The following ATM variants were observed in gnomAD, a reference collection of about 807,000 sequenced individuals.
The protein encoded by ATM is serine-protein kinase ATM.
In ATM, 308 loss-of-function variants were observed where a neutral mutation model predicts 387.0. The ratio of observed to expected loss-of-function variants is 0.80; its 90% CI spans 0.73 to 0.87. The LOEUF is 0.87. Among genes scored for constraint, ATM ranks in the 40% least tolerant of loss-of-function variants. The pLI, the probability that ATM is intolerant of heterozygous loss-of-function variation, is 0.00. For synonymous variants in ATM, 1,156 were observed against 1,187.3 expected, an observed-to-expected ratio of 0.97 and a Z score of 0.54; for missense variants, 3,312 against 3,560.9, an observed-to-expected ratio of 0.93 and a Z score of 1.78.
chr11:108,270,399 GTAA>G (rs2081508152), intron 18 of ATM, among the ~76,000 whole-genome samples: 1 of 152,150 alleles, frequency 6.6e-6, no homozygotes, highest in Non-Finnish European at 1.5e-5. Flanking sequence ...TGCAACAGTG[GTAA>G]TAATGATCAT....
At chr11:108,328,286 G>A (rs561011594) in intron 48 of ATM, among the ~76,000 whole-genome samples, 3 of 152,064 alleles carry the variant, frequency 2.0e-5, no homozygotes, top group Admixed American at 6.6e-5. Context: ...TCTCTCTGTC[G>A]CCCAAGCTGG....
chr11:108,359,956 C>A (rs1169891219), intron 61 of ATM, among the ~76,000 whole-genome samples: 2 of 151,788 alleles, frequency 1.3e-5, no homozygotes, highest in Non-Finnish European at 2.9e-5. Flanking sequence ...CAGAGCAGAA[C>A]TGAAGGAAAT....
Position 108,366,846 on chromosome 11 carries a change from C to A in ATM, c.*1338C>A, listed in dbSNP as rs2091358882. On this transcript the variant is annotated 3_prime_UTR_variant, in exon 63 of 63. Coordinates refer to ENST00000675843, the MANE Select transcript of ATM (RefSeq NM_000051.4). ...GGGGTGGAAGGAGGTACATTTAATT[C>A]CCACTGCCTGCCTTTGGCAAGCCCT... is the stretch of plus-strand genomic sequence containing the variant. The A allele has an allele frequency of 1.3e-5, 3 of 229,730 alleles. No individual in the cohort carries two copies. The highest frequency in any genetic ancestry group is 2.6e-5 in the Non-Finnish European group (3 of 115,976). The allele number at this position is 229,730 out of a possible 1,614,324, so 14.2% of individuals were successfully genotyped here. A position where few individuals can be genotyped will look rare whatever the true frequency, so the allele number is the denominator to read the frequency against.
rs747764678 is a variant in ATM at position 108,345,774 on chromosome 11, A to G, written c.8450A>G (p.Tyr2817Cys). 7.4e-6 allele frequency: 12 copies of G among 1,613,186 alleles called. No homozygotes were observed. In the East Asian group the frequency reaches 1.6e-4, roughly 21 times the overall value. Residue 2817 changes from tyrosine to cysteine, a missense_variant, in exon 58 of 63, where the codon TAT (tyrosine) becomes TGT (cysteine). Physicochemically the swap from Tyr to Cys is radical, Grantham distance 194 (BLOSUM62 -2). Transcript: ENST00000675843. Reference protein sequence around the residue: ...EVQKKSFEEKYEVFMDVCQNF... With the variant: ...EVQKKSFEEKCEVFMDVCQNF... ...CAAAAAAAGTCTTTTGAAGAGAAAT[A>G]TGAAGTCTTCATGGATGTTTGCCAA... is the stretch of plus-strand genomic sequence containing the variant.
At chr11:108,231,861 G>T (rs746599892) in intron 4 of ATM, among the ~76,000 whole-genome samples, 2 of 152,144 alleles carry the variant, frequency 1.3e-5, no homozygotes, top group Non-Finnish European at 2.9e-5. Flanking sequence ...ATGCGAGTTC[G>T]TGTGGATAGC....
At position 108,250,790 on chromosome 11, in the gene ATM, T is replaced by G. The variant is rs1064794732; in HGVS notation, c.1325T>G (p.Leu442Arg). The G allele has an allele frequency of 6.2e-7, 1 of 1,613,890 alleles. No individual in the cohort carries two copies. Among genetic ancestry groups the G allele is most frequent in the Admixed American group, 1.7e-5 (1 of 59,960 alleles). ...CCATTACTGATGATACTATCTCAGC[T>G]TCTACCCCAACAGCGACATGGGGAA... ...LSPLLMILSQLLPQQRHGERT... is the reference protein window; with the variant it reads ...LSPLLMILSQRLPQQRHGERT... The change falls in exon 10 of 63, where the codon CTT becomes CGT. Residue 442 changes from leucine to arginine, a missense_variant. Coordinates refer to ENST00000675843, the MANE Select transcript of ATM (RefSeq NM_000051.4).
chr11:108,357,226 G>C (rs958663268), intron 61 of ATM, among the ~76,000 whole-genome samples: 2 of 151,642 alleles, frequency 1.3e-5, no homozygotes, highest in African/African-American at 4.8e-5. Context: ...CGAATATTGC[G>C]CTTTTTGGAC....
At chr11:108,228,660 C>T (rs930252034) in intron 3 of ATM, among the ~76,000 whole-genome samples, 4 of 152,096 alleles carry the variant, frequency 2.6e-5, no homozygotes, top group Non-Finnish European at 1.5e-5. Context: ...TGCTGTTTTT[C>T]CTCTGATTTT....
chr11:108,306,466 T>C (rs943871048), intron 37 of ATM, among the ~76,000 whole-genome samples: 9 of 152,350 alleles, frequency 5.9e-5, no homozygotes, highest in East Asian at 5.8e-4. Flanking sequence ...ACAATTTTTA[T>C]TACATAGTTT....
chr11:108,226,513 T>A (rs998057805), intron 1 of ATM: 2 of 152,220 alleles, frequency 1.3e-5, no homozygotes, highest in Middle Eastern at 3.2e-3. Flanking sequence ...GCATAGAATT[T>A]GCTTCATTTC....
rs373927479 is a variant in ATM at position 108,368,407 on chromosome 11, G to A, written c.*2899G>A. ...TTTTGAAAATATTAATCATAGAATA[G>A]TTGTTGTATGCTAAGTCACTGACCC... On this transcript the variant is annotated 3_prime_UTR_variant, in exon 63 of 63. Coordinates refer to ENST00000675843, the MANE Select transcript of ATM (RefSeq NM_000051.4). The A allele has an allele frequency of 2.4e-5, 5 of 210,522 alleles. No individual in the cohort carries two copies. The highest frequency in any genetic ancestry group is 7.1e-5 in the East Asian group (1 of 14,000). The allele number at this position is 210,522 out of a possible 1,614,324, so 13.0% of individuals were successfully genotyped here.
chr11:108,246,856 G>T, intron 7 of ATM, 108 bp from the exon 8 acceptor site: 1 of 840,784 alleles, frequency 1.2e-6, no homozygotes, highest in South Asian at 1.5e-5. Context: ...GGTTGGACCA[G>T]GTGTCTTCTA....
At position 108,353,879 on chromosome 11, in the gene ATM, A is replaced by C. The variant is rs1013290424; in HGVS notation, c.8785A>C (p.Arg2929=). The part of the protein sequence containing the change: ...GITGVEGVFR[R]CCEKTMEVMR... ...TACGGGTGTTGAAGGTGTCTTCAGAAGGTAAGTGATATGAAGTAAAGGAGG... is the reference window on the plus strand; with the variant it reads ...TACGGGTGTTGAAGGTGTCTTCAGACGGTAAGTGATATGAAGTAAAGGAGG... The change falls in exon 60 of 63, where the codon AGA becomes CGA. Residue 2929 remains arginine, a splice_region_variant and synonymous_variant. Transcript: ENST00000675843. 1 of 1,609,648 alleles carries C rather than the reference A, an allele frequency of 6.2e-7. No individual in the cohort carries two copies. The highest frequency in any genetic ancestry group is 1.7e-5 in the Admixed American group (1 of 59,990).
At chr11:108,297,773 G>T (rs987163357) in intron 33 of ATM, among the ~76,000 whole-genome samples, 1 of 152,168 alleles carries the variant, frequency 6.6e-6, no homozygotes, top group South Asian at 2.1e-4. Context: ...TGAGATGCTA[G>T]CTAAGTTACA....
At position 108,249,066 on chromosome 11, in the gene ATM, T is replaced by C; in HGVS notation, c.1199T>C (p.Leu400Pro). Residue 400 changes from leucine (L) to proline (P), a missense_variant, in exon 9 of 63, where the codon CTT becomes CCT. Transcript: ENST00000675843. ...GGCTGGGAAGTAATAAAAGATCACCTTCAGAAGTCACAGAATGATTTTGAT... is the reference window on the plus strand; with the variant it reads ...GGCTGGGAAGTAATAAAAGATCACCCTCAGAAGTCACAGAATGATTTTGAT... ...ELGWEVIKDH[L>P]QKSQNDFDLV... The C allele has an allele frequency of 6.2e-7, 1 of 1,614,008 alleles. No individual in the cohort carries two copies. Among genetic ancestry groups the C allele is most frequent in the Non-Finnish European group, 8.5e-7 (1 of 1,179,972 alleles).
intron 4 of ATM, among the ~76,000 whole-genome samples, chr11:108,233,523 C>G (rs1162020717): frequency 1.4e-5 from 2 of 139,684 alleles, no homozygotes; most frequent in African/African-American, 5.4e-5. Flanking sequence ...GAGCCACGAT[C>G]ATGCTATTGC....
rs2086116800 is a variant in ATM, at chr11:108,330,262, G to C, written c.7356G>C (p.Leu2452=). 6.2e-7 allele frequency: 1 copy of C among 1,614,164 alleles called. No individual in the cohort carries two copies. Among genetic ancestry groups the C allele is most frequent in the Non-Finnish European group, 8.5e-7 (1 of 1,180,008 alleles). ...AGCTGGAGTTGGATGAATTAGCCCT[G>C]CGTGCACTGAAAGAGGATCGTAAAC... ...QRELELDELA[L]RALKEDRKRF... is the part of the protein sequence containing the mutation. Residue 2452 remains leucine (L), a synonymous_variant, in exon 50 of 63, where the codon CTG becomes CTC. Transcript: ENST00000675843.
chr11:108,274,061 G>T (rs555071425), intron 22 of ATM, among the ~76,000 whole-genome samples: 1 of 152,228 alleles, frequency 6.6e-6, no homozygotes, highest in East Asian at 1.9e-4. Context: ...CTTGTTATTG[G>T]TCTATTCAGG....
In ATM at chr11:108,320,003, C is replaced by T. The variant is rs876658163; in HGVS notation, c.6397C>T (p.Gln2133Ter). 1.2e-6 allele frequency: 2 copies of T among 1,612,740 alleles called. No individual in the cohort carries two copies. The highest frequency in any genetic ancestry group is 1.7e-6 in the Non-Finnish European group (2 of 1,178,912). ...CCATGAATCATTGTACAATGCTCTA[C>T]AATCTCTAAGAGACAGAGAATTCTC... ...SYHESLYNAL[Q>*]SLRDREFSTF... Residue 2133 changes from glutamine (Q) to a stop codon, truncating the protein, a stop_gained, in exon 44 of 63, where the codon CAA becomes TAA. Coordinates refer to ENST00000675843, the MANE Select transcript of ATM (RefSeq NM_000051.4). LOFTEE classifies it high-confidence loss of function.
Sources: gnomAD v4.1 joint callset for allele counts (sites outside exome capture counted in the v4.1 genomes callset) on GRCh38, gnomAD v4.1.1 for gene constraint, MANE v1.5 for transcripts, NCBI Gene and HGNC (gene_info 2026-07-23, HGNC 2026-07-21) for gene names.